ANKRD50: variants seen among roughly 807,000 people sequenced by gnomAD.
The protein encoded by ANKRD50 is ankyrin repeat domain 50.
In ANKRD50, 40 loss-of-function variants were observed where a neutral mutation model predicts 112.0. The ratio of observed to expected loss-of-function variants is 0.36; its 90% CI spans 0.28 to 0.46. ANKRD50 has a LOEUF of 0.46. ANKRD50 is among the 20% of genes least tolerant of loss of function. The pLI is 1.00. For synonymous variants in ANKRD50, 613 were observed against 619.1 expected (o/e 0.99, Z 0.15); for missense variants, 1,487 against 1,701.7 (o/e 0.87, Z 2.22).
Position 124,670,470 on chromosome 4 carries a change from C to G in ANKRD50, c.2807G>C (p.Gly936Ala). The change falls in exon 4 of 5, where the codon GGT becomes GCT. Residue 936 changes from glycine (G) to alanine (A), a missense_variant. Gly to Ala is a moderately conservative substitution (Grantham distance 60). Around this residue, in one of 2 missense-constraint regions of ANKRD50, gnomAD observed 1,046 missense variants for 1,269.5 expected, o/e 0.82. Coordinates refer to ENST00000504087, the MANE Select transcript of ANKRD50 (RefSeq NM_020337.3). ...RDIVELLFSH[G>A]ADVNCKDADG... Reference sequence around the variant, plus strand: ...AGCATCTTTGCAGTTAACATCAGCACCATGGCTAAAAAGCAATTCAACAAT... The same window carrying G: ...AGCATCTTTGCAGTTAACATCAGCAGCATGGCTAAAAAGCAATTCAACAAT... 6.2e-7 allele frequency: 1 copy of G among 1,613,832 alleles called. No homozygotes were observed. Among genetic ancestry groups the G allele is most frequent in the Non-Finnish European group, 8.5e-7 (1 of 1,179,874 alleles).
chr4:124,671,095 C>A lies in ANKRD50; in HGVS notation c.2182G>T (p.Ala728Ser), dbSNP rs377077898. 10 of 1,613,768 alleles carry A rather than the reference C, an allele frequency of 6.2e-6. No individual in the cohort carries two copies. Among genetic ancestry groups the A allele is most frequent in the Non-Finnish European group, 8.5e-6 (10 of 1,179,844 alleles). Residue 728 changes from alanine (A) to serine (S), a missense_variant, in exon 4 of 5, where the codon GCA (alanine) becomes TCA (serine). Around this residue, in one of 2 missense-constraint regions of ANKRD50, gnomAD observed 1,046 missense variants for 1,269.5 expected, o/e 0.82. Coordinates refer to ENST00000504087, the MANE Select transcript of ANKRD50 (RefSeq NM_020337.3). ...ALCVPASKGH[A>S]SVVSLLIDRG... ...TCAATTAAAAGGCTAACAACTGATG[C>A]GTGCCCTTTACTTGCAGGCACACAA...
intron 2 of ANKRD50, among the ~76,000 whole-genome samples, chr4:124,687,537 T>G (rs1011130483): frequency 1.6e-4 from 25 of 152,186 alleles, no homozygotes; most frequent in Non-Finnish European, 1.5e-5. Context: ...AACTTGACTT[T>G]ATCAAAATTA....
chr4:124,673,241 AAAGG>A (rs1169066221), intron 3 of ANKRD50, among the ~76,000 whole-genome samples: 19 of 152,122 alleles, frequency 1.2e-4, no homozygotes, highest in Admixed American at 6.6e-4. Context: ...TAAGTTCTTT[AAAGG>A]AAGCCATAAT....
intron 2 of ANKRD50, among the ~76,000 whole-genome samples, chr4:124,686,360 G>T (rs34944124): frequency 6.6e-6 from 1 of 152,122 alleles, no homozygotes; most frequent in Non-Finnish European, 1.5e-5. Context: ...GTGAATTACA[G>T]ACAGAATGTG....
rs1450660046 is a variant in ANKRD50 at position 124,664,303 on chromosome 4, CTTTG to C, written c.*3211_*3214del. The C allele has an allele frequency of 1.3e-5, 2 of 151,874 alleles. No individual in the cohort carries two copies. Among genetic ancestry groups the C allele is most frequent in the Non-Finnish European group, 2.9e-5 (2 of 67,912 alleles). The allele number at this position is 151,874 out of a possible 1,614,324, so 9.4% of individuals were successfully genotyped here. A position where few individuals can be genotyped will look rare whatever the true frequency, so the allele number is the denominator to read the frequency against. On this transcript the variant is annotated 3_prime_UTR_variant, in exon 5 of 5. Transcript: ENST00000504087. ...GCTTAGGAAGACATAAACAGTAAAT[CTTTG>C]TTTTTCTACCTTCCTTTGGACAGTG...
chr4:124,676,908 CATAA>C (rs752932142), intron 3 of ANKRD50, among the ~76,000 whole-genome samples: 279 of 151,426 alleles, frequency 1.8e-3, no homozygotes, highest in Non-Finnish European at 3.0e-3. Context: ...ATGAAATAAG[CATAA>C]GGGAGAAAGG....
Position 124,671,581 on chromosome 4 carries a change from A to C in ANKRD50, c.1696T>G (p.Ser566Ala). 1 of 1,613,866 alleles carries C rather than the reference A, an allele frequency of 6.2e-7. No homozygotes were observed. Among genetic ancestry groups the C allele is most frequent in the Non-Finnish European group, 8.5e-7 (1 of 1,179,864 alleles). The change falls in exon 4 of 5, where the codon TCT (serine) becomes GCT (alanine). Residue 566 changes from serine to alanine, a missense_variant. Transcript: ENST00000504087. ...GSLDVVNLLVSRGADLEIEDA... is the reference protein window; with the variant it reads ...GSLDVVNLLVARGADLEIEDA... ...TCTATCTCTAAATCTGCTCCCCTAG[A>C]GACAAGTAAATTGACTACATCAAGA...
intron 2 of ANKRD50, among the ~76,000 whole-genome samples, chr4:124,701,162 C>T (rs548304239): frequency 7.2e-5 from 11 of 152,272 alleles, no homozygotes; most frequent in African/African-American, 2.4e-4. Flanking sequence ...AGGGTTTCTC[C>T]ATGTTGGTCA....
chr4:124,690,421 G>A (rs1451436478), intron 2 of ANKRD50, among the ~76,000 whole-genome samples: 1 of 152,160 alleles, frequency 6.6e-6, no homozygotes, highest in Non-Finnish European at 1.5e-5. Context: ...AGGAGAGGGA[G>A]CAAATCTTCT....
chr4:124,692,822 T>C, intron 2 of ANKRD50, among the ~76,000 whole-genome samples: 1 of 152,232 alleles, frequency 6.6e-6, no homozygotes, highest in African/African-American at 2.4e-5. Flanking sequence ...ATAAGCTACC[T>C]AGTCTATTGC....
rs1309003634 is a variant in ANKRD50 at position 124,670,292 on chromosome 4, C to A, written c.2985G>T (p.Val995=). ...CAGCATGGTATGCTATCAGGACCTGCACCATTTCCATATGGCCTTGCCAAC... is the reference window on the plus strand; with the variant it reads ...CAGCATGGTATGCTATCAGGACCTGAACCATTTCCATATGGCCTTGCCAAC... ...VSCWQGHMEM[V]QVLIAYHADV... The change falls in exon 4 of 5, where the codon GTG becomes GTT. Residue 995 remains valine, a synonymous_variant. Transcript: ENST00000504087. The A allele has an allele frequency of 1.2e-5, 19 of 1,613,828 alleles. No individual in the cohort carries two copies. Among genetic ancestry groups the A allele is most frequent in the Admixed American group, 3.3e-5 (2 of 59,938 alleles).
In ANKRD50 at chr4:124,689,501, T is replaced by C. The variant is rs142536738; in HGVS notation, c.513-10596A>G. Among the ~76,000 whole-genome samples, 18 of 152,284 alleles carry C rather than the reference T, an allele frequency of 1.2e-4. No homozygotes were observed. In the East Asian group the frequency reaches 3.5e-3, roughly 29 times the overall value. ...GAATGGGTAGACTGAGTAAAGCAGA[T>C]TGTCCTTCCTAATGTGGGTGGTGGC... On this transcript the variant is annotated intron_variant, in intron 2 of 4. Coordinates refer to ENST00000504087, the MANE Select transcript of ANKRD50 (RefSeq NM_020337.3).
chr4:124,702,609 T>G (rs1285144901), intron 2 of ANKRD50, among the ~76,000 whole-genome samples: 1 of 152,158 alleles, frequency 6.6e-6, no homozygotes, highest in African/African-American at 2.4e-5. Context: ...AAACGGCCTA[T>G]GAACTAAGAA....
chr4:124,702,732 T>A (rs1262615663), intron 2 of ANKRD50, among the ~76,000 whole-genome samples: 1 of 152,198 alleles, frequency 6.6e-6, no homozygotes, highest in African/African-American at 2.4e-5. Context: ...TTATCAAAGG[T>A]GTGTTCTAAA....
rs116186501 is a variant in ANKRD50, at chr4:124,706,764, C to T, written c.512+3236G>A. ...AGTCAAAAATGCATCTGATAACTCT[C>T]AACCTACCAAACATCATCGCTTAGC... On this transcript the variant is annotated intron_variant, in intron 2 of 4. Transcript: ENST00000504087. 3.6e-3 allele frequency among the ~76,000 whole-genome samples: 551 copies of T among 152,204 alleles called. 5 individuals carry two copies. The highest frequency in any genetic ancestry group is 0.013 in the African/African-American group (528 of 41,582).
intron 2 of ANKRD50, among the ~76,000 whole-genome samples, chr4:124,696,874 A>T (rs1411604854): frequency 6.6e-6 from 1 of 152,202 alleles, no homozygotes; most frequent in African/African-American, 2.4e-5. Flanking sequence ...TGACATAAAA[A>T]TTATTTGAGG....
At position 124,670,430 on chromosome 4, in the gene ANKRD50, T is replaced by C. The variant is rs1730613558; in HGVS notation, c.2847A>G (p.Thr949=). ...GATTTTCTAAGGCCAAGATATAAAG[T>C]GTAGGCCGACCATCAGCATCTTTGC... ...VNCKDADGRP[T]LYILALENQL... is the part of the protein sequence containing the mutation. The change falls in exon 4 of 5, where the codon ACA becomes ACG. Residue 949 remains threonine, a synonymous_variant. Transcript: ENST00000504087. The C allele has an allele frequency of 1.2e-6, 2 of 1,613,742 alleles. No homozygotes were observed. Among genetic ancestry groups the C allele is most frequent in the Admixed American group, 1.7e-5 (1 of 59,928 alleles).
Position 124,671,491 on chromosome 4 carries a change from A to T in ANKRD50, c.1786T>A (p.Cys596Ser), listed in dbSNP as rs549743040. Residue 596 changes from cysteine (C) to serine (S), a missense_variant, in exon 4 of 5, where the codon TGT becomes AGT. This residue lies in a region of ANKRD50 where 1,046 missense variants were observed against 1,269.5 expected (regional missense o/e 0.82). Transcript: ENST00000504087. ...ATATTTGCTCCACACCCAATCAAAC[A>T]ATTAACCACCTTGGTATGTCCCTGT... ...ARQGHTKVVNCLIGCGANINH... is the reference protein window; with the variant it reads ...ARQGHTKVVNSLIGCGANINH... 6.2e-7 allele frequency: 1 copy of T among 1,613,774 alleles called. No individual in the cohort carries two copies. The highest frequency in any genetic ancestry group is 1.1e-5 in the South Asian group (1 of 91,076).
chr4:124,682,962 T>C (rs995265578), intron 2 of ANKRD50, among the ~76,000 whole-genome samples: 47 of 152,020 alleles, frequency 3.1e-4, no homozygotes, highest in African/African-American at 1.1e-3. Context: ...GATATATTAC[T>C]AGGAATAGAA....
Sources: gnomAD v4.1 joint callset for allele counts (sites outside exome capture counted in the v4.1 genomes callset) on GRCh38, gnomAD v4.1.1 for gene constraint, gnomAD v4.1.1 regional missense constraint, MANE v1.5 for transcripts, NCBI Gene and HGNC (gene_info 2026-07-23, HGNC 2026-07-21) for gene names.